The following PBRM1 variants were observed in gnomAD, a reference collection of about 807,000 sequenced individuals.
PBRM1 encodes the protein protein polybromo-1.
Under a neutral mutation model 194.5 loss-of-function variants are expected in PBRM1, and 27 were observed. That is an observed-to-expected ratio of 0.14 (90% CI 0.10 to 0.19). The LOEUF is 0.19. Ranked by LOEUF, PBRM1 falls within the 10% of genes least tolerant of loss-of-function variation. PBRM1 has a pLI of 1.00. For synonymous variants in PBRM1, 655 were observed against 693.2 expected, an observed-to-expected ratio of 0.94 and a Z score of 0.87; for missense variants, 1,466 against 2,077.2, an observed-to-expected ratio of 0.71 and a Z score of 5.72.
At chr3:52,614,986 T>C (rs899280533) in intron 15 of PBRM1, among the ~76,000 whole-genome samples, 1 of 152,180 alleles carries the variant, frequency 6.6e-6, no homozygotes, top group Non-Finnish European at 1.5e-5. Flanking sequence ...TTGGAACTGC[T>C]GGGATTCATT....
intron 7 of PBRM1, 46 bp downstream of exon 8, chr3:52,648,298 T>C (rs757522511): frequency 3.1e-5 from 32 of 1,037,524 alleles, no homozygotes; most frequent in Non-Finnish European, 7.4e-6. Flanking sequence ...TTAAATTATC[T>C]ACTATTACCA....
At chr3:52,632,003 G>C (rs1331849111) in intron 11 of PBRM1, among the ~76,000 whole-genome samples, 1 of 152,054 alleles carries the variant, frequency 6.6e-6, no homozygotes, top group Admixed American at 6.6e-5. Flanking sequence ...TGAATGTTTT[G>C]AATTTTTATG....
intron 7 of PBRM1, among the ~76,000 whole-genome samples, chr3:52,645,065 G>A (rs1194117710): frequency 2.0e-5 from 3 of 152,190 alleles, no homozygotes; most frequent in Non-Finnish European, 2.9e-5. Flanking sequence ...GTATAATACA[G>A]TAATGCCCCA....
rs763007814 is a variant in PBRM1, at chr3:52,596,436, CAAAAAAAAAAAAAAAAAAAAAAAAAAA to C, written c.2779+7058_2779+7084del. Among the ~76,000 whole-genome samples, 11 of 50,372 alleles carry C rather than the reference CAAAAAAAAAAAAAAAAAAAAAAAAAAA, an allele frequency of 2.2e-4. No homozygotes were observed. In the Admixed American group the frequency reaches 2.5e-3, roughly 11 times the overall value. The allele number at this position is 50,372 out of a possible 152,430, so 33.0% of individuals were successfully genotyped here. On this transcript the variant is annotated intron_variant, in intron 17 of 29. Transcript: ENST00000296302. ...CTGGCGACAGAGTGAGACTCCGTCT[CAAAAAAAAAAAAAAAAAAAAAAAAAAA>C]AAAAAAAAAAAAAAAAAGAAATGTA...
exon 29 of PBRM1, chr3:52,550,465 C>T: frequency 1.9e-6 from 3 of 1,560,808 alleles, no homozygotes; most frequent in East Asian, 2.3e-5. Context: ...GGACTCCGCA[C>T]TGAGTCCTTC....
chr3:52,550,567 G>T (rs201088500), exon 29 of PBRM1: 1 of 1,547,864 alleles, frequency 6.5e-7, no homozygotes, highest in Non-Finnish European at 8.7e-7. Context: ...CTGTATGACA[G>T]GGGGTCCAGC....
chr3:52,638,986 TG>T (rs71084199), intron 10 of PBRM1, among the ~76,000 whole-genome samples: 4,920 of 57,806 alleles, frequency 0.085, 147 homozygotes, highest in African/African-American at 0.099. Flanking sequence ...CATTTTTTTT[TG>T]GGGGGGGGGG....
At chr3:52,666,749 A>G (rs913388561) in intron 3 of PBRM1, among the ~76,000 whole-genome samples, 54 of 151,594 alleles carry the variant, frequency 3.6e-4, no homozygotes, top group Non-Finnish European at 6.9e-4. Flanking sequence ...AAAATTAGCC[A>G]TGTGTGATGG....
intron 26 of PBRM1, 83 bp downstream of exon 28, chr3:52,558,166 C>CTGTGGCCT: frequency 1.0e-6 from 1 of 963,154 alleles, no homozygotes; most frequent in Non-Finnish European, 1.5e-6. Flanking sequence ...AGGCAATAGA[C>CTGTGGCCT]TGTGGCCTAC....
chr3:52,554,835 G>T (rs368586641), exon 27 of PBRM1: 1 of 1,600,070 alleles, frequency 6.2e-7, no homozygotes, highest in South Asian at 1.1e-5. Context: ...CCATCAACTG[G>T]GCCCTGCAAA....
intron 16 of PBRM1, among the ~76,000 whole-genome samples, chr3:52,604,023 A>G (rs1260642015): frequency 6.6e-6 from 1 of 152,196 alleles, no homozygotes; most frequent in Non-Finnish European, 1.5e-5. Context: ...ACACGCATCA[A>G]TCGATTCTGG....
intron 22 of PBRM1, among the ~76,000 whole-genome samples, chr3:52,572,054 A>G (rs931802841): frequency 3.1e-4 from 47 of 150,852 alleles, no homozygotes; most frequent in African/African-American, 1.1e-3. Context: ...AACAAAAAAA[A>G]CTTCATATTT....
At chr3:52,553,168 G>A (rs140831258) in intron 27 of PBRM1, among the ~76,000 whole-genome samples, 1 of 152,296 alleles carries the variant, frequency 6.6e-6, no homozygotes, top group African/African-American at 2.4e-5. Flanking sequence ...TTTGGGTTGG[G>A]CCCTTAGCTG....
chr3:52,550,294 A>G (rs1008109460), intron 29 of PBRM1, 127 bp downstream of exon 31: 2 of 417,446 alleles, frequency 4.8e-6, no homozygotes, highest in Non-Finnish European at 8.3e-6. Flanking sequence ...CCATTTATGA[A>G]ATATATAATT....
intron 11 of PBRM1, among the ~76,000 whole-genome samples, chr3:52,630,563 A>G (rs1421053139): frequency 2.0e-5 from 3 of 152,256 alleles, no homozygotes; most frequent in African/African-American, 4.8e-5. Context: ...CACTGCCCCT[A>G]GACCTCCCTG....
chr3:52,671,933 A>T (rs1376742077), intron 2 of PBRM1, among the ~76,000 whole-genome samples: 1 of 152,224 alleles, frequency 6.6e-6, no homozygotes, highest in African/African-American at 2.4e-5. Context: ...ATCATGAATG[A>T]ATCTAAATCT....
At chr3:52,587,537 G>T in intron 18 of PBRM1, 27 bp from the exon 21 acceptor site, 4 of 1,497,430 alleles carry the variant, frequency 2.7e-6, no homozygotes, top group Non-Finnish European at 3.6e-6. Context: ...GGGGGAAGGG[G>T]AAGAGAAAGA....
intron 17 of PBRM1, among the ~76,000 whole-genome samples, chr3:52,590,270 CA>C (rs979446056): frequency 2.6e-5 from 4 of 151,894 alleles, no homozygotes; most frequent in Non-Finnish European, 5.9e-5. Flanking sequence ...GCCTGGCCAA[CA>C]TGGTGAAACC....
chr3:52,554,191 A>C (rs2081712661), intron 27 of PBRM1, among the ~76,000 whole-genome samples: 1 of 152,198 alleles, frequency 6.6e-6, no homozygotes, highest in Non-Finnish European at 1.5e-5. Flanking sequence ...GACTGAGTGA[A>C]AGATTTCTGA....
Sources: gnomAD v4.1 joint callset for allele counts (sites outside exome capture counted in the v4.1 genomes callset) on GRCh38, gnomAD v4.1.1 for gene constraint, MANE v1.5 for transcripts, NCBI Gene and HGNC (gene_info 2026-07-23, HGNC 2026-07-21) for gene names.